Variants in MEGF10 observed in about 807,000 individuals in gnomAD.
MEGF10 encodes the protein multiple epidermal growth factor-like domains protein 10.
MEGF10 carries 86 observed loss-of-function variants against 147.5 expected under a neutral mutation model. The observed-to-expected ratio is 0.58, with a 90% CI of 0.49 to 0.70. The LOEUF is 0.70. Among genes scored for constraint, MEGF10 ranks in the 30% least tolerant of loss-of-function variants. The pLI is 0.00. For missense variants in MEGF10, 1,329 were observed against 1,487.3 expected (o/e 0.89, Z 1.75); for synonymous variants, 478 against 525.5 (o/e 0.91, Z 1.24).
At chr5:127,389,275 T>C (rs1329391672) in intron 5 of MEGF10, among the ~76,000 whole-genome samples, 1 of 152,136 alleles carries the variant, frequency 6.6e-6, no homozygotes, top group Non-Finnish European at 1.5e-5. Flanking sequence ...AGTCAAAAAA[T>C]AACAGATGCT....
At chr5:127,332,148 T>G (rs1420339545) in intron 2 of MEGF10, among the ~76,000 whole-genome samples, 1 of 152,188 alleles carries the variant, frequency 6.6e-6, no homozygotes, top group Non-Finnish European at 1.5e-5. Flanking sequence ...TAGATCATCC[T>G]CTGGGACTTT....
the MEGF10 span, among the ~76,000 whole-genome samples, chr5:127,234,248 C>G: frequency 6.6e-6 from 1 of 152,192 alleles, no homozygotes; most frequent in African/African-American, 2.4e-5. Context: ...TCACTTGAGT[C>G]TATGTGCCTT....
chr5:127,239,961 T>C, the MEGF10 span, among the ~76,000 whole-genome samples: 1 of 152,120 alleles, frequency 6.6e-6, no homozygotes, highest in Admixed American at 6.5e-5. Flanking sequence ...CCATCCCCCA[T>C]TTATTATCCA....
Position 127,454,512 on chromosome 5 carries a change from G to T in MEGF10, c.2981-54G>T. On this transcript the variant is annotated intron_variant, in intron 22 of 24. Coordinates refer to ENST00000503335, the MANE Select transcript of MEGF10 (RefSeq NM_001256545.2). ...TCCAGGACCTTGGGATATTGGATGGGGTTTTTCTTCCTTTCAGTTCTCACT... is the reference window on the plus strand; with the variant it reads ...TCCAGGACCTTGGGATATTGGATGGTGTTTTTCTTCCTTTCAGTTCTCACT... 5 of 1,523,570 alleles carry T rather than the reference G, an allele frequency of 3.3e-6. No individual in the cohort carries two copies. In the Admixed American group the frequency reaches 8.0e-5, roughly 24 times the overall value. 94.4% of individuals were successfully genotyped at this position (1,523,570 alleles called of 1,614,324 possible). A position where few individuals can be genotyped will look rare whatever the true frequency, so the allele number is the denominator to read the frequency against.
At chr5:127,323,405 A>G (rs1760871482) in intron 1 of MEGF10, among the ~76,000 whole-genome samples, 1 of 152,204 alleles carries the variant, frequency 6.6e-6, no homozygotes, top group Admixed American at 6.5e-5. Flanking sequence ...ACCTCAAAGT[A>G]CAGGCATTGT....
rs1561651701 is a variant in MEGF10 at position 127,445,483 on chromosome 5, AAC to A, written c.2520_2521del (p.Asn840LysfsTer12). 6.2e-7 allele frequency: 1 copy of A among 1,614,106 alleles called. No homozygotes were observed. Among genetic ancestry groups the A allele is most frequent in the South Asian group, 1.1e-5 (1 of 91,064 alleles). On this transcript the variant is annotated frameshift_variant, in exon 20 of 25. Transcript: ENST00000503335. LOFTEE classifies it high-confidence loss of function. ...TGGTGTTATCATAGTTGGAAATCTGAACAGCTTAAGCCGAACCAGTACTGCTC... is the reference window on the plus strand; with the variant it reads ...TGGTGTTATCATAGTTGGAAATCTGAAGCTTAAGCCGAACCAGTACTGCTC... ...QAGVIIVGNL[N>X]SLSRTSTALP...
intron 4 of MEGF10, among the ~76,000 whole-genome samples, chr5:127,363,046 T>C (rs1007623488): frequency 1.3e-5 from 2 of 152,222 alleles, no homozygotes; most frequent in Non-Finnish European, 2.9e-5. Context: ...ATGTATCTAA[T>C]GGCCAGATTT....
intron 5 of MEGF10, among the ~76,000 whole-genome samples, chr5:127,390,478 A>G (rs1339791521): frequency 6.6e-6 from 1 of 152,040 alleles, no homozygotes; most frequent in Non-Finnish European, 1.5e-5. Context: ...TTTTGTAGAG[A>G]TAGGGGCTTG....
intron 4 of MEGF10, among the ~76,000 whole-genome samples, chr5:127,359,157 T>C (rs1001169699): frequency 2.0e-5 from 3 of 151,794 alleles, no homozygotes; most frequent in Non-Finnish European, 4.4e-5. Context: ...CCCAAATAAA[T>C]ATTTATTGGG....
chr5:127,430,732 G>A (rs1284560425), intron 13 of MEGF10, among the ~76,000 whole-genome samples: 4 of 152,178 alleles, frequency 2.6e-5, no homozygotes, highest in Admixed American at 6.5e-5. Context: ...ACAGCAAGAG[G>A]AGGAAAGACA....
intron 5 of MEGF10, among the ~76,000 whole-genome samples, chr5:127,373,441 T>A (rs1179126962): frequency 6.6e-6 from 1 of 152,220 alleles, no homozygotes; most frequent in Non-Finnish European, 1.5e-5. Context: ...TGTGAGCCAC[T>A]GCGCCCAACC....
At chr5:127,319,835 A>C (rs564846457) in intron 1 of MEGF10, among the ~76,000 whole-genome samples, 4 of 152,210 alleles carry the variant, frequency 2.6e-5, no homozygotes, top group Admixed American at 6.5e-5. Flanking sequence ...AAAGAAAGTA[A>C]TTGCATCTTT....
chr5:127,304,834 C>T (rs970878388), intron 1 of MEGF10, among the ~76,000 whole-genome samples: 3 of 151,964 alleles, frequency 2.0e-5, no homozygotes, highest in South Asian at 2.1e-4. Context: ...AAGGATGCCT[C>T]GAAGCTTGTG....
At chr5:127,314,970 AT>A (rs1466721635) in intron 1 of MEGF10, among the ~76,000 whole-genome samples, 1 of 152,146 alleles carries the variant, frequency 6.6e-6, no homozygotes, top group Non-Finnish European at 1.5e-5. Context: ...TGTTTCCAAT[AT>A]TTGCAGTAAA....
chr5:127,409,286 G>C (rs1031646430), intron 8 of MEGF10, among the ~76,000 whole-genome samples: 1 of 152,126 alleles, frequency 6.6e-6, no homozygotes, highest in Non-Finnish European at 1.5e-5. Context: ...AAAAATGCAA[G>C]GCTGACCTAC....
intron 4 of MEGF10, among the ~76,000 whole-genome samples, chr5:127,343,799 T>G (rs1164422571): frequency 1.3e-5 from 2 of 150,164 alleles, no homozygotes; most frequent in African/African-American, 2.4e-5. Flanking sequence ...AAAAAAAAAG[T>G]CATCTTCTCT....
chr5:127,387,925 A>G (rs1224140502), intron 5 of MEGF10, among the ~76,000 whole-genome samples: 3 of 152,186 alleles, frequency 2.0e-5, no homozygotes, highest in Non-Finnish European at 4.4e-5. Flanking sequence ...GGAGAGAAGA[A>G]TGTACCTAGA....
At chr5:127,353,829 TAAG>T (rs1304570582) in intron 4 of MEGF10, among the ~76,000 whole-genome samples, 4 of 152,324 alleles carry the variant, frequency 2.6e-5, no homozygotes, top group East Asian at 1.9e-4. Flanking sequence ...GTGTGGCTTG[TAAG>T]AAGGACAGAG....
chr5:127,296,568 T>A (rs1038964790), intron 1 of MEGF10, among the ~76,000 whole-genome samples: 76 of 152,200 alleles, frequency 5.0e-4, no homozygotes, highest in African/African-American at 1.8e-3. Flanking sequence ...ACTAAGTGCC[T>A]TGTCATTAAT....
Sources: gnomAD v4.1 joint callset for allele counts (sites outside exome capture counted in the v4.1 genomes callset) on GRCh38, gnomAD v4.1.1 for gene constraint, MANE v1.5 for transcripts, NCBI Gene and HGNC (gene_info 2026-07-23, HGNC 2026-07-21) for gene names.